FAM228A: variants seen among roughly 807,000 people sequenced by gnomAD.
FAM228A encodes family with sequence similarity 228 member A, also known as protein FAM228A.
A neutral mutation model predicts 18.6 loss-of-function variants in FAM228A; 13 were observed. The ratio of observed to expected loss-of-function variants is 0.70; its 90% confidence interval spans 0.45 to 1.11. The LOEUF is 1.11. Among genes scored for constraint, FAM228A ranks in the 50% least tolerant of loss-of-function variants. FAM228A has a pLI of 0.00. For synonymous variants in FAM228A, 77 were observed against 86.6 expected, an observed-to-expected ratio of 0.89 and a Z score of 0.61; for missense variants, 240 against 242.2, an observed-to-expected ratio of 0.99 and a Z score of 0.06.
At chr2:24,183,709 G>A in intron 5 of FAM228A, 64 bp downstream of exon 5, 2 of 1,410,984 alleles carry the variant, frequency 1.4e-6, no homozygotes, top group Non-Finnish European at 9.6e-7. Flanking sequence ...TCCTACTGAA[G>A]CTCTTGTAAC....
In FAM228A at chr2:24,189,706, C is replaced by T. The variant is rs142492740; in HGVS notation, c.402-706C>T. On this transcript the variant is annotated intron_variant, in intron 5 of 5. Transcript: ENST00000295150. ...GGTGGCAGCCCTGGTGAAATTCCTC[C>T]GGGAGGACACACCCAGAGGATGCCT... Among the ~76,000 whole-genome samples, 269 of 152,216 alleles carry T rather than the reference C, an allele frequency of 1.8e-3. 1 individual carries two copies. The highest frequency in any genetic ancestry group is 3.7e-3 in the East Asian group (19 of 5,176).
intron 5 of FAM228A, among the ~76,000 whole-genome samples, chr2:24,186,160 C>T (rs374833511): frequency 8.6e-5 from 13 of 152,016 alleles, no homozygotes; most frequent in Admixed American, 7.9e-4. Context: ...CCACCACACC[C>T]GGCTAATTTT....
At chr2:24,185,305 C>G (rs6545323) in intron 5 of FAM228A, among the ~76,000 whole-genome samples, 130,827 of 152,144 alleles carry the variant, frequency 0.86, 57,762 homozygotes, top group South Asian at 0.95. Flanking sequence ...TACAAATTCA[C>G]TGCTGTTATG....
Position 24,183,326 on chromosome 2 carries a change from G to A in FAM228A, c.204G>A (p.Gln68=). ...TTGTTGATCCTCTGTTTCAAAGACA[G>A]CAAGAGGTGGATGAAGAGAGGAGAA... is the stretch of plus-strand genomic sequence containing the variant. ...PPFVDPLFQR[Q]QEVDEERRTG... is the part of the protein sequence containing the mutation. Residue 68 remains glutamine, a synonymous_variant, in exon 4 of 6, where the codon CAG becomes CAA. Coordinates refer to ENST00000295150, the MANE Select transcript of FAM228A (RefSeq NM_001040710.3). The A allele has an allele frequency of 6.2e-7, 1 of 1,614,024 alleles. No homozygotes were observed. Among genetic ancestry groups the A allele is most frequent in the East Asian group, 2.2e-5 (1 of 44,888 alleles).
At position 24,190,548 on chromosome 2, in the gene FAM228A, G is replaced by A. The variant is rs750033169; in HGVS notation, c.538G>A (p.Gly180Ser). ...SQKNKVGERK[G>S]LVSRGLGRGW... ...GAAGAACAAAGTGGGTGAAAGAAAG[G>A]GTCTGGTGAGCAGAGGCCTGGGGCG... The change falls in exon 6 of 6, where the codon GGT becomes AGT. Residue 180 changes from glycine (G) to serine (S), a missense_variant. Transcript: ENST00000295150. 6.2e-7 allele frequency: 1 copy of A among 1,613,888 alleles called. No homozygotes were observed. Among genetic ancestry groups the A allele is most frequent in the Non-Finnish European group, 8.5e-7 (1 of 1,180,008 alleles).
intron 2 of FAM228A, 167 bp downstream of exon 2, chr2:24,175,740 AAG>A: frequency 1.3e-6 from 1 of 756,222 alleles, no homozygotes; most frequent in African/African-American, 1.8e-5. Flanking sequence ...GAGTGTGGCC[AAG>A]AGTGTTTCCA....
intron 5 of FAM228A, among the ~76,000 whole-genome samples, chr2:24,187,385 C>A (rs1228604703): frequency 1.3e-5 from 2 of 152,242 alleles, no homozygotes; most frequent in Admixed American, 1.3e-4. Context: ...ACAACCTCCT[C>A]CACTGTTGAC....
At chr2:24,178,147 A>C (rs1667734280) in intron 3 of FAM228A, among the ~76,000 whole-genome samples, 2 of 152,240 alleles carry the variant, frequency 1.3e-5, no homozygotes, top group African/African-American at 4.8e-5. Context: ...TACCGAATAG[A>C]AATTCTTTCC....
At chr2:24,189,847 C>T (rs1000915235) in intron 5 of FAM228A, among the ~76,000 whole-genome samples, 3 of 151,736 alleles carry the variant, frequency 2.0e-5, no homozygotes, top group African/African-American at 7.3e-5. Context: ...GGAGGGGGCT[C>T]GATATGTTAG....
chr2:24,183,414 A>T (rs1385272562), intron 4 of FAM228A, 42 bp downstream of exon 4: 1 of 1,608,698 alleles, frequency 6.2e-7, no homozygotes, highest in South Asian at 1.1e-5. Flanking sequence ...GAGACTGCTA[A>T]TTGTCCAGTG....
chr2:24,178,140 C>T (rs754898622), intron 3 of FAM228A, among the ~76,000 whole-genome samples: 3 of 152,120 alleles, frequency 2.0e-5, no homozygotes, highest in South Asian at 2.1e-4. Flanking sequence ...GTCCTGGTAC[C>T]GAATAGAAAT....
chr2:24,184,441 T>C (rs1000882387), intron 5 of FAM228A, among the ~76,000 whole-genome samples: 2 of 152,058 alleles, frequency 1.3e-5, no homozygotes, highest in Non-Finnish European at 2.9e-5. Flanking sequence ...GGTTTGTACA[T>C]GTACAGTTCA....
intron 3 of FAM228A, among the ~76,000 whole-genome samples, chr2:24,178,338 G>C (rs1212437484): frequency 6.6e-6 from 1 of 152,206 alleles, no homozygotes; most frequent in Non-Finnish European, 1.5e-5. Context: ...GCTGAAGCAA[G>C]AGTATTGCTT....
intron 4 of FAM228A, 46 bp from the exon 5 acceptor site, chr2:24,183,449 T>C: frequency 6.2e-7 from 1 of 1,608,264 alleles, no homozygotes; most frequent in East Asian, 2.2e-5. Flanking sequence ...CAAGAGCAAC[T>C]GGAGTTCTTG....
At chr2:24,186,569 C>G (rs182106983) in intron 5 of FAM228A, among the ~76,000 whole-genome samples, 1 of 152,046 alleles carries the variant, frequency 6.6e-6, no homozygotes, top group African/African-American at 2.4e-5. Context: ...TAGATTTTGA[C>G]ATATATTAAT....
In FAM228A at chr2:24,190,329, A is replaced by G. The variant is rs767186859; in HGVS notation, c.402-83A>G. 4.2e-6 allele frequency: 6 copies of G among 1,432,346 alleles called. No homozygotes were observed. The African/African-American group carries it at 8.6e-5, about 21-fold the overall frequency. The allele number at this position is 1,432,346 out of a possible 1,614,324, so 88.7% of individuals were successfully genotyped here. A position where few individuals can be genotyped will look rare whatever the true frequency, so the allele number is the denominator to read the frequency against. On this transcript the variant is annotated intron_variant, in intron 5 of 5. Coordinates refer to ENST00000295150, the MANE Select transcript of FAM228A (RefSeq NM_001040710.3). ...CTTCTCAAAAGTGACGATTGAGTTC[A>G]TTGCATTAATCTTCGGAAACTATTT...
At chr2:24,182,824 G>T (rs1667846779) in intron 3 of FAM228A, among the ~76,000 whole-genome samples, 1 of 152,076 alleles carries the variant, frequency 6.6e-6, no homozygotes, top group Non-Finnish European at 1.5e-5. Context: ...TGACACAGTA[G>T]AGCGCTTAAC....
At chr2:24,187,180 A>G in intron 5 of FAM228A, among the ~76,000 whole-genome samples, 1 of 152,206 alleles carries the variant, frequency 6.6e-6, no homozygotes, top group Non-Finnish European at 1.5e-5. Flanking sequence ...CTCACAACAA[A>G]TAAACAACAG....
Position 24,190,520 on chromosome 2 carries a change from C to A in FAM228A, c.510C>A (p.Ser170Arg), listed in dbSNP as rs761198611. 2 of 1,614,156 alleles carry A rather than the reference C, an allele frequency of 1.2e-6. No homozygotes were observed. Among genetic ancestry groups the A allele is most frequent in the East Asian group, 4.5e-5 (2 of 44,886 alleles). The stretch of plus-strand genomic sequence containing the variant: ...GGCAGTTCCTTTCCTCAAAGCTCAG[C>A]CAGAAGAACAAAGTGGGTGAAAGAA... ...FERQFLSSKL[S>R]QKNKVGERKG... The change falls in exon 6 of 6, where the codon AGC (serine) becomes AGA (arginine). Residue 170 changes from serine (S) to arginine (R), a missense_variant. Transcript: ENST00000295150.
Sources: allele counts gnomAD v4.1 joint callset (sites outside exome capture counted in the v4.1 genomes callset), GRCh38; gene constraint gnomAD v4.1.1; transcripts MANE v1.5; gene names NCBI Gene and HGNC (gene_info 2026-07-23, HGNC 2026-07-21).